Variants in RASGRP1 observed in about 807,000 individuals in gnomAD.
RASGRP1 encodes the protein RAS guanyl-releasing protein 1.
A neutral mutation model predicts 95.1 loss-of-function variants in RASGRP1; 37 were observed. That is an observed-to-expected ratio of 0.39 (90% confidence interval 0.30 to 0.51). RASGRP1 has a LOEUF of 0.51. Among genes scored for constraint, RASGRP1 ranks in the 20% least tolerant of loss-of-function variants. The pLI is 0.80. For synonymous variants in RASGRP1, 325 were observed against 353.4 expected, an observed-to-expected ratio of 0.92 and a Z score of 0.90; for missense variants, 711 against 965.4, an observed-to-expected ratio of 0.74 and a Z score of 3.49.
chr15:38,546,748 A>G (rs1280702211), intron 2 of RASGRP1, among the ~76,000 whole-genome samples: 5 of 152,196 alleles, frequency 3.3e-5, no homozygotes, highest in Non-Finnish European at 7.4e-5. Context: ...ATCTCTAATT[A>G]TTTTAACTTT....
Position 38,560,150 on chromosome 15 carries a change from A to G in RASGRP1, c.36-145T>C, listed in dbSNP as rs925965411. ...CATACCCCTCCCACTTGGCAAATGC[A>G]CCAAATGACTGGTTGGCTGTTAAAG... On this transcript the variant is annotated intron_variant, in intron 1 of 16. Transcript: ENST00000310803. 5.5e-6 allele frequency: 4 copies of G among 725,968 alleles called. No individual in the cohort carries two copies. The Admixed American group carries it at 9.2e-5, about 17-fold the overall frequency. The allele number at this position is 725,968 out of a possible 1,614,324, so 45.0% of individuals were successfully genotyped here.
chr15:38,523,235 T>G (rs954407856), intron 3 of RASGRP1, among the ~76,000 whole-genome samples: 1 of 152,188 alleles, frequency 6.6e-6, no homozygotes, highest in South Asian at 2.1e-4. Flanking sequence ...GGACCACATA[T>G]ATGACAGTGG....
Position 38,516,129 on chromosome 15 carries a change from G to A in RASGRP1, c.675+68C>T, listed in dbSNP as rs545218910. ...TCTAAGGTTATGAAGCGGATGGGCT[G>A]TTGAATTATCATCTTATTTTCAGAA... On this transcript the variant is annotated intron_variant, in intron 6 of 16. Transcript: ENST00000310803. The A allele has an allele frequency of 8.7e-6, 13 of 1,502,382 alleles. No individual in the cohort carries two copies. The African/African-American group carries it at 1.7e-4, about 19-fold the overall frequency. The allele number at this position is 1,502,382 out of a possible 1,614,324, so 93.1% of individuals were successfully genotyped here. A position where few individuals can be genotyped will look rare whatever the true frequency, so the allele number is the denominator to read the frequency against.
At position 38,501,183 on chromosome 15, in the gene RASGRP1, G is replaced by C; in HGVS notation, c.1643C>G (p.Thr548Ser). 2 of 1,612,530 alleles carry C rather than the reference G, an allele frequency of 1.2e-6. No individual in the cohort carries two copies. Among genetic ancestry groups the C allele is most frequent in the Non-Finnish European group, 8.5e-7 (1 of 1,179,154 alleles). The change falls in exon 13 of 17, where the codon ACC (threonine) becomes AGC (serine). Residue 548 changes from threonine (T) to serine (S), a missense_variant. Thr to Ser is a moderately conservative substitution (Grantham distance 58, BLOSUM62 1). Coordinates refer to ENST00000310803, the MANE Select transcript of RASGRP1 (RefSeq NM_005739.4). ...GTCACAAAAAGTGGGCTTCAGGTAG[G>C]TGGTCTCTTGGAAGTTGTGAGGAAA... Reference protein sequence around the residue: ...LGFPHNFQETTYLKPTFCDNC... With the variant: ...LGFPHNFQETSYLKPTFCDNC...
rs1005258354 is a variant in RASGRP1 at position 38,489,538 on chromosome 15, A to G, written c.*1016T>C. On this transcript the variant is annotated 3_prime_UTR_variant, in exon 17 of 17. Transcript: ENST00000310803. ...AAGCCACATGCATGCCTGATATTGT[A>G]TATACATATTATATACATATGTACA... 2.0e-5 allele frequency: 3 copies of G among 152,532 alleles called. No individual in the cohort carries two copies. The highest frequency in any genetic ancestry group is 2.9e-5 in the Non-Finnish European group (2 of 67,926). 9.4% of individuals were successfully genotyped at this position (152,532 alleles called of 1,614,324 possible).
intron 2 of RASGRP1, among the ~76,000 whole-genome samples, chr15:38,558,599 T>C (rs1451744220): frequency 6.6e-6 from 1 of 152,004 alleles, no homozygotes; most frequent in Non-Finnish European, 1.5e-5. Flanking sequence ...CCTACTGGAG[T>C]AGAAACTCTG....
rs1357829629 is a variant in RASGRP1, at chr15:38,489,719, T to A, written c.*835A>T. ...ATGGAACATGAAGAGTTAAACAGAC[T>A]CTTCATAGACTTTTTTTTTTAAGCC... On this transcript the variant is annotated 3_prime_UTR_variant, in exon 17 of 17. Transcript: ENST00000310803. 9.2e-6 allele frequency: 1 copy of A among 109,130 alleles called. No individual in the cohort carries two copies. Among genetic ancestry groups the A allele is most frequent in the East Asian group, 2.5e-4 (1 of 3,924 alleles). 6.8% of individuals were successfully genotyped at this position (109,130 alleles called of 1,614,324 possible). A position where few individuals can be genotyped will look rare whatever the true frequency, so the allele number is the denominator to read the frequency against.
intron 6 of RASGRP1, among the ~76,000 whole-genome samples, chr15:38,515,176 G>GCTGAGTGACTGAGAGAGGCATGTAGTC (rs1433184052): frequency 1.3e-5 from 2 of 152,216 alleles, no homozygotes; most frequent in Non-Finnish European, 2.9e-5. Context: ...ACAAATTGGT[G>GCTGAGTGACTGAGAGAGGCATGTAGTC]CTGAGTGACT....
At chr15:38,559,025 C>T (rs564795410) in intron 2 of RASGRP1, among the ~76,000 whole-genome samples, 1 of 152,222 alleles carries the variant, frequency 6.6e-6, no homozygotes, top group South Asian at 2.1e-4. Flanking sequence ...AAGGGGTCCA[C>T]AGGAGGAACA....
intron 10 of RASGRP1, chr15:38,503,908 T>C: frequency 5.6e-6 from 1 of 177,508 alleles, no homozygotes; most frequent in Non-Finnish European, 1.2e-5. Flanking sequence ...CACCACAGTG[T>C]GTACTTACAC....
rs534162764 is a variant in RASGRP1, at chr15:38,556,757, A to G, written c.220+3064T>C. ...GAAAATAGCCACATGTGGCCAGTGC[A>G]TTGGACAGCACAGCTGTAGCCAATT... On this transcript the variant is annotated intron_variant, in intron 2 of 16. Coordinates refer to ENST00000310803, the MANE Select transcript of RASGRP1 (RefSeq NM_005739.4). Among the ~76,000 whole-genome samples, 160 of 152,360 alleles carry G rather than the reference A, an allele frequency of 1.1e-3. 2 individuals carry two copies. The Middle Eastern group carries it at 0.014, about 13-fold the overall frequency.
At chr15:38,560,379 T>C (rs567331504) in intron 1 of RASGRP1, 5 of 261,858 alleles carry the variant, frequency 1.9e-5, no homozygotes, top group Admixed American at 1.5e-4. Context: ...ATTATTTACA[T>C]TGGTTTCTTT....
rs181019337 is a variant in RASGRP1 at position 38,510,726 on chromosome 15, G to A, written c.966+878C>T. Among the ~76,000 whole-genome samples the A allele has an allele frequency of 2.9e-3, 435 of 152,366 alleles. 4 individuals carry two copies. Among genetic ancestry groups the A allele is most frequent in the African/African-American group, 9.7e-3 (403 of 41,594 alleles). The stretch of plus-strand genomic sequence containing the variant: ...TGTAATTCCAATACTTTAGGAGGCC[G>A]AGATGGGAGGATCGCTTGAGGCCAA... On this transcript the variant is annotated intron_variant, in intron 8 of 16. Coordinates refer to ENST00000310803, the MANE Select transcript of RASGRP1 (RefSeq NM_005739.4).
chr15:38,550,242 C>CAAAA (rs56383365), intron 2 of RASGRP1, among the ~76,000 whole-genome samples: 1 of 89,026 alleles, frequency 1.1e-5, no homozygotes, highest in Non-Finnish European at 2.5e-5. Context: ...ACTCTGTCGC[C>CAAAA]AAAAAAAAAA....
chr15:38,530,357 T>C (rs1278317778), intron 2 of RASGRP1, among the ~76,000 whole-genome samples: 1 of 152,216 alleles, frequency 6.6e-6, no homozygotes, highest in Non-Finnish European at 1.5e-5. Flanking sequence ...GTCACACTAC[T>C]GAATATAAAG....
intron 2 of RASGRP1, among the ~76,000 whole-genome samples, chr15:38,532,574 T>A (rs1892486571): frequency 6.6e-6 from 1 of 152,208 alleles, no homozygotes; most frequent in South Asian, 2.1e-4. Context: ...CTAGCCATCT[T>A]CTACCTCTTC....
chr15:38,493,640 CTT>C (rs1342711679), intron 16 of RASGRP1, among the ~76,000 whole-genome samples: 7 of 152,176 alleles, frequency 4.6e-5, no homozygotes, highest in Admixed American at 2.0e-4. Flanking sequence ...AGCAGCTCCT[CTT>C]GTCATGATTG....
At chr15:38,502,971 T>C (rs541345816) in intron 11 of RASGRP1, 68 of 422,252 alleles carry the variant, frequency 1.6e-4, no homozygotes, top group Non-Finnish European at 2.4e-4. Flanking sequence ...TTTACCTGAT[T>C]ACCCCTTACT....
At chr15:38,502,711 C>A in intron 11 of RASGRP1, 1 of 292,366 alleles carries the variant, frequency 3.4e-6, no homozygotes. Flanking sequence ...GTTCTCCTTT[C>A]ACTCTACCCT....
Sources: allele counts gnomAD v4.1 joint callset (sites outside exome capture counted in the v4.1 genomes callset), GRCh38; gene constraint gnomAD v4.1.1; transcripts MANE v1.5; gene names NCBI Gene and HGNC (gene_info 2026-07-23, HGNC 2026-07-21).